The following CCDC30 variants were observed in gnomAD, a reference collection of about 807,000 sequenced individuals.
CCDC30 encodes the protein coiled-coil domain containing 30.
A neutral mutation model predicts 100.2 loss-of-function variants in CCDC30; 70 were observed. That is an observed-to-expected ratio of 0.70 (90% CI 0.58 to 0.85). The LOEUF (loss-of-function observed/expected upper bound fraction) is 0.85, where lower values mean the gene tolerates loss of function less well. Ranked by LOEUF, CCDC30 falls within the 40% of genes least tolerant of loss-of-function variation. CCDC30 has a pLI of 0.00. For missense variants in CCDC30, 652 were observed against 771.2 expected (o/e 0.85, Z 1.83); for synonymous variants, 233 against 269.5 (o/e 0.86, Z 1.33).
chr1:42,488,328 T>C (rs923740710), intron 3 of CCDC30, among the ~76,000 whole-genome samples: 3 of 152,122 alleles, frequency 2.0e-5, no homozygotes, highest in Admixed American at 6.5e-5. Flanking sequence ...TTTTTCTTTC[T>C]TTTTTTAGAG....
chr1:42,457,666 A>T, the CCDC30 span: 4 of 317,328 alleles, frequency 1.3e-5, no homozygotes, highest in South Asian at 3.6e-5. Context: ...TTAAAAGATG[A>T]GCAGAACCGA....
chr1:42,543,096 T>C (rs527942465), intron 6 of CCDC30, among the ~76,000 whole-genome samples: 105 of 151,752 alleles, frequency 6.9e-4, no homozygotes, highest in African/African-American at 2.4e-3. Flanking sequence ...CCTTATTCCT[T>C]CTGAGTAGCT....
Position 42,530,019 on chromosome 1 carries a change from C to T in CCDC30, c.456+31103C>T, listed in dbSNP as rs570024363. On this transcript the variant is annotated intron_variant, in intron 6 of 16. Coordinates refer to ENST00000668663, the Ensembl canonical transcript of CCDC30. ...GCTGGGATGGGAATCATCCCTTCGA[C>T]CAGTGCACCTACAACATACACACTG... Among the ~76,000 whole-genome samples the T allele has an allele frequency of 8.2e-4, 125 of 152,308 alleles. 1 individual carries two copies. The highest frequency in any genetic ancestry group is 5.9e-4 in the Non-Finnish European group (40 of 68,036).
intron 15 of CCDC30, among the ~76,000 whole-genome samples, chr1:42,648,186 C>T (rs1038669558): frequency 3.3e-5 from 5 of 151,858 alleles, no homozygotes; most frequent in African/African-American, 9.7e-5. Flanking sequence ...GTGATCCACC[C>T]GCCTCAGCCT....
intron 11 of CCDC30, among the ~76,000 whole-genome samples, chr1:42,630,327 T>G (rs2148668324): frequency 1.3e-5 from 2 of 152,066 alleles, no homozygotes. Flanking sequence ...GCTTCATTCT[T>G]TTTTATTCCT....
chr1:42,557,529 G>A (rs1463877338), intron 6 of CCDC30, among the ~76,000 whole-genome samples: 2 of 151,378 alleles, frequency 1.3e-5, no homozygotes, highest in Non-Finnish European at 2.9e-5. Context: ...TGCCACAATA[G>A]GAATGAACTT....
chr1:42,544,814 C>T (rs575034978), intron 6 of CCDC30, among the ~76,000 whole-genome samples: 15 of 152,120 alleles, frequency 9.9e-5, no homozygotes, highest in East Asian at 9.7e-4. Flanking sequence ...GCCAAGACTG[C>T]GCTTTTAATA....
chr1:42,568,617 T>C (rs1645658425), intron 7 of CCDC30, among the ~76,000 whole-genome samples: 1 of 152,004 alleles, frequency 6.6e-6, no homozygotes, highest in Non-Finnish European at 1.5e-5. Context: ...TTTACAAACT[T>C]AGGACTCACT....
chr1:42,508,294 C>T (rs1016162492), intron 6 of CCDC30, among the ~76,000 whole-genome samples: 7 of 152,154 alleles, frequency 4.6e-5, no homozygotes, highest in East Asian at 1.9e-4. Flanking sequence ...GCTTCTACCA[C>T]GCATCTCATT....
upstream of CCDC30, chr1:42,460,140 CT>C (rs1231658706): frequency 8.5e-6 from 11 of 1,286,774 alleles, no homozygotes; most frequent in Non-Finnish European, 1.1e-5. Context: ...TGTTAATCAC[CT>C]TTAAAAAGAA....
chr1:42,468,349 C>T (rs140818706), intron 1 of CCDC30, among the ~76,000 whole-genome samples: 6 of 152,232 alleles, frequency 3.9e-5, no homozygotes, highest in Non-Finnish European at 7.4e-5. Context: ...GATAGCTGCT[C>T]AAGCTTCAGC....
intron 1 of CCDC30, among the ~76,000 whole-genome samples, chr1:42,464,698 TTG>T (rs1160332021): frequency 1.3e-5 from 2 of 152,232 alleles, no homozygotes; most frequent in African/African-American, 4.8e-5. Flanking sequence ...TTGACTTAAT[TTG>T]TCTTACAATA....
intron 11 of CCDC30, among the ~76,000 whole-genome samples, chr1:42,636,542 A>G (rs534695731): frequency 6.6e-6 from 1 of 152,336 alleles, no homozygotes; most frequent in South Asian, 2.1e-4. Context: ...TTTTAAGTTA[A>G]TGACTGAATT....
chr1:42,605,732 C>A (rs1236024656), intron 10 of CCDC30, among the ~76,000 whole-genome samples: 1 of 152,166 alleles, frequency 6.6e-6, no homozygotes, highest in Admixed American at 6.5e-5. Context: ...AGTGATCCAC[C>A]TGCCTCGGCC....
chr1:42,556,049 G>A, intron 6 of CCDC30, 107 bp from the exon 10 acceptor site: 1 of 1,097,938 alleles, frequency 9.1e-7, no homozygotes. Flanking sequence ...ATAGAATTCA[G>A]GTTGAAAATC....
chr1:42,545,646 T>A (rs1372281048), intron 6 of CCDC30, 67 bp downstream of exon 9: 5 of 1,418,664 alleles, frequency 3.5e-6, no homozygotes, highest in Non-Finnish European at 4.8e-6. Context: ...GGCTTGATCA[T>A]TATAAGAATT....
At chr1:42,642,730 C>A in intron 13 of CCDC30, 121 bp downstream of exon 17, 3 of 961,316 alleles carry the variant, frequency 3.1e-6, no homozygotes, top group Non-Finnish European at 4.3e-6. Context: ...TCTCGCTCCG[C>A]TGTCTGCTGT....
chr1:42,462,111 C>G (rs989712744), upstream of CCDC30, among the ~76,000 whole-genome samples: 3 of 151,946 alleles, frequency 2.0e-5, no homozygotes, highest in East Asian at 3.9e-4. Context: ...GTCTTGTTAA[C>G]GCTTAAAAAC....
intron 7 of CCDC30, among the ~76,000 whole-genome samples, chr1:42,569,549 C>T (rs1415755245): frequency 6.6e-6 from 1 of 152,136 alleles, no homozygotes; most frequent in East Asian, 1.9e-4. Flanking sequence ...CTAGTTCAAC[C>T]ATTGTGGCAG....
Sources: gnomAD v4.1 joint callset for allele counts (sites outside exome capture counted in the v4.1 genomes callset) on GRCh38, gnomAD v4.1.1 for gene constraint, MANE v1.5 for transcripts, NCBI Gene and HGNC (gene_info 2026-07-23, HGNC 2026-07-21) for gene names.